The following NAV3 variants were observed in gnomAD, a reference collection of about 807,000 sequenced individuals.
NAV3 encodes the protein pore membrane and/or filament interacting like protein 1.
Under a neutral mutation model 244.7 loss-of-function variants are expected in NAV3, and 87 were observed. That is an observed-to-expected ratio of 0.36 (90% CI 0.30 to 0.42). The LOEUF (loss-of-function observed/expected upper bound fraction) is 0.42, where lower values mean the gene tolerates loss of function less well. NAV3 is among the 20% of genes least tolerant of loss of function. The pLI is 1.00. For synonymous variants in NAV3, 1,126 were observed against 1,042.2 expected (o/e 1.08, Z -1.55); for missense variants, 2,663 against 2,893.3 (o/e 0.92, Z 1.83).
intron 23 of NAV3, among the ~76,000 whole-genome samples, chr12:78,160,653 C>T (rs1271755971): frequency 2.6e-5 from 4 of 151,950 alleles, no homozygotes; most frequent in Non-Finnish European, 5.9e-5. Flanking sequence ...ATTTTTAAAA[C>T]AGAATGAATA....
At chr12:77,571,937 C>T (rs955783041) in exon 2 of NAV3, 1 of 151,988 alleles carries the variant, frequency 6.6e-6, no homozygotes, top group Middle Eastern at 3.1e-3. Flanking sequence ...AGTCAAAATT[C>T]TCGGATGACT....
intron 11 of NAV3, among the ~76,000 whole-genome samples, chr12:78,055,632 T>C (rs1038154560): frequency 7.2e-5 from 11 of 152,138 alleles, no homozygotes; most frequent in Non-Finnish European, 7.4e-5. Context: ...CCAGCCAGAT[T>C]TCCAGTGTTA....
At chr12:77,850,848 C>T (rs1009714334) in intron 1 of NAV3, among the ~76,000 whole-genome samples, 3 of 152,066 alleles carry the variant, frequency 2.0e-5, no homozygotes, top group Admixed American at 6.6e-5. Context: ...TGGCCCCATC[C>T]AGCCTGGTCA....
chr12:78,125,385 A>G lies in NAV3; in HGVS notation c.4239-1782A>G, dbSNP rs997885983. Among the ~76,000 whole-genome samples the G allele has an allele frequency of 4.1e-4, 35 of 84,586 alleles. No homozygotes were observed. In the Admixed American group the frequency reaches 4.6e-3, roughly 11 times the overall value. 55.5% of individuals were successfully genotyped at this position (84,586 alleles called of 152,430 possible). A position where few individuals can be genotyped will look rare whatever the true frequency, so the allele number is the denominator to read the frequency against. ...CCTCTTCATTAAATTAAATAAAATA[A>G]TAAAATACACTTTTTAACAGTTTTC... On this transcript the variant is annotated intron_variant, in intron 16 of 39. Transcript: ENST00000397909.
chr12:77,944,986 T>C (rs2137543323), intron 3 of NAV3, among the ~76,000 whole-genome samples: 1 of 152,280 alleles, frequency 6.6e-6, no homozygotes, highest in East Asian at 1.9e-4. Context: ...TTTTGGTAAT[T>C]GGATAGGCAT....
At chr12:77,929,394 C>T (rs1888549905) in intron 1 of NAV3, among the ~76,000 whole-genome samples, 1 of 152,114 alleles carries the variant, frequency 6.6e-6, no homozygotes, top group Admixed American at 6.5e-5. Context: ...ATGTCATTGA[C>T]CCTATAAGCT....
At chr12:77,977,018 A>T (rs887124837) in intron 5 of NAV3, among the ~76,000 whole-genome samples, 4 of 152,118 alleles carry the variant, frequency 2.6e-5, no homozygotes, top group South Asian at 2.1e-4. Flanking sequence ...GGAAACAGAA[A>T]ATGGAAAGAT....
chr12:78,177,068 C>T, intron 26 of NAV3, 73 bp from the exon 27 acceptor site: 1 of 1,556,012 alleles, frequency 6.4e-7, no homozygotes, highest in Non-Finnish European at 8.8e-7. Flanking sequence ...ATGGCATCTG[C>T]AAACTAACGC....
chr12:78,032,341 A>C (rs891918167), intron 9 of NAV3, among the ~76,000 whole-genome samples: 9 of 152,206 alleles, frequency 5.9e-5, no homozygotes, highest in Non-Finnish European at 8.8e-5. Context: ...CATTATAAAA[A>C]CATTGTCTTT....
Position 77,969,784 on chromosome 12 carries a change from C to A in NAV3, c.671+1082C>A, listed in dbSNP as rs930022815. ...GCTTGAACCAGGGAGGCAGAGGTTG[C>A]GGTGAGCCAAGATCCAGCCTGGGTG... On this transcript the variant is annotated intron_variant, in intron 5 of 39. Transcript: ENST00000397909. Among the ~76,000 whole-genome samples, 10 of 152,186 alleles carry A rather than the reference C, an allele frequency of 6.6e-5. No homozygotes were observed. The East Asian group carries it at 1.9e-3, about 29-fold the overall frequency.
At chr12:77,940,758 A>G (rs1565941216) in intron 2 of NAV3, among the ~76,000 whole-genome samples, 1 of 152,210 alleles carries the variant, frequency 6.6e-6, no homozygotes, top group Non-Finnish European at 1.5e-5. Flanking sequence ...AGCAACTCAT[A>G]CACTCTGAGA....
At chr12:78,113,446 G>A (rs552449525) in intron 12 of NAV3, among the ~76,000 whole-genome samples, 9 of 152,338 alleles carry the variant, frequency 5.9e-5, no homozygotes, top group Non-Finnish European at 1.0e-4. Flanking sequence ...GAATCTAGGC[G>A]GAGGTTTCCA....
chr12:78,105,354 A>G (rs1040619248), intron 12 of NAV3, among the ~76,000 whole-genome samples: 15 of 152,106 alleles, frequency 9.9e-5, no homozygotes, highest in Non-Finnish European at 1.8e-4. Flanking sequence ...CTCCTAATCT[A>G]TAAAGTGGGG....
chr12:77,856,398 C>T (rs1289355050), intron 1 of NAV3, among the ~76,000 whole-genome samples: 2 of 151,922 alleles, frequency 1.3e-5, no homozygotes, highest in African/African-American at 4.8e-5. Flanking sequence ...GCTGTTGGGC[C>T]CCAAGGAGTG....
At chr12:78,133,379 A>G (rs1475474291) in intron 18 of NAV3, among the ~76,000 whole-genome samples, 1 of 151,224 alleles carries the variant, frequency 6.6e-6, no homozygotes, top group African/African-American at 2.4e-5. Context: ...AATTAAAGTT[A>G]CTTTATTATT....
intron 2 of NAV3, among the ~76,000 whole-genome samples, chr12:77,648,258 G>T (rs1872683994): frequency 6.6e-6 from 1 of 152,020 alleles, no homozygotes; most frequent in Non-Finnish European, 1.5e-5. Flanking sequence ...CTATAATTCT[G>T]CTATAGTTAG....
chr12:78,148,229 AG>A (rs542987140), intron 21 of NAV3, among the ~76,000 whole-genome samples: 1 of 152,174 alleles, frequency 6.6e-6, no homozygotes, highest in South Asian at 2.1e-4. Flanking sequence ...CACTAAATAA[AG>A]GTCTTGATAA....
intron 1 of NAV3, among the ~76,000 whole-genome samples, chr12:77,931,819 A>T (rs1007736438): frequency 5.9e-5 from 9 of 152,130 alleles, no homozygotes; most frequent in South Asian, 2.1e-4. Context: ...GTGAGCCGAG[A>T]TCGCGCCACT....
chr12:77,733,241 G>C (rs1178413307), intron 2 of NAV3, among the ~76,000 whole-genome samples: 1 of 152,024 alleles, frequency 6.6e-6, no homozygotes, highest in Non-Finnish European at 1.5e-5. Flanking sequence ...CGTTTAATAA[G>C]ATTTAGTGAA....
Sources: gnomAD v4.1 joint callset for allele counts (sites outside exome capture counted in the v4.1 genomes callset) on GRCh38, gnomAD v4.1.1 for gene constraint, MANE v1.5 for transcripts, NCBI Gene and HGNC (gene_info 2026-07-23, HGNC 2026-07-21) for gene names.